GNAQ: variants seen among roughly 807,000 people sequenced by gnomAD.
GNAQ encodes guanine nucleotide-binding protein G(q) subunit alpha.
Under a neutral mutation model 43.9 loss-of-function variants are expected in GNAQ, and 8 were observed. That is an observed-to-expected ratio of 0.18 (90% CI 0.11 to 0.33). The LOEUF (loss-of-function observed/expected upper bound fraction) is 0.33. Ranked by LOEUF, GNAQ falls within the 10% of genes least tolerant of loss-of-function variation. The pLI is 1.00. For missense variants in GNAQ, 158 were observed against 450.8 expected (o/e 0.35, Z 5.88); for synonymous variants, 155 against 170.7 (o/e 0.91, Z 0.71).
intron 1 of GNAQ, among the ~76,000 whole-genome samples, chr9:77,980,130 C>G (rs1564169251): frequency 6.6e-6 from 1 of 152,122 alleles, no homozygotes; most frequent in African/African-American, 2.4e-5. Flanking sequence ...GACCTCAAGC[C>G]TTGAAAGAGT....
intron 5 of GNAQ, among the ~76,000 whole-genome samples, chr9:77,769,497 T>C (rs1826186647): frequency 1.3e-5 from 2 of 151,950 alleles, no homozygotes; most frequent in South Asian, 4.1e-4. Context: ...GCAAACTCCA[T>C]TCAATATTCA....
intron 3 of GNAQ, among the ~76,000 whole-genome samples, chr9:77,811,523 G>A (rs1316377867): frequency 6.6e-6 from 1 of 152,106 alleles, no homozygotes; most frequent in Non-Finnish European, 1.5e-5. Context: ...GGAAATCAGC[G>A]ATGTTTAACA....
At chr9:77,848,617 T>C (rs1827623077) in intron 2 of GNAQ, among the ~76,000 whole-genome samples, 1 of 152,260 alleles carries the variant, frequency 6.6e-6, no homozygotes, top group Non-Finnish European at 1.5e-5. Context: ...TTGGTCTCAT[T>C]GCCTTCTGAG....
intron 5 of GNAQ, among the ~76,000 whole-genome samples, chr9:77,735,950 A>ACATGGTTTGTGAGGATAGATG: frequency 6.6e-6 from 1 of 152,182 alleles, no homozygotes. Flanking sequence ...CAATGCATCC[A>ACATGGTTTGTGAGGATAGATG]AGCCCCTAGC....
At chr9:77,772,080 C>A (rs932268625) in intron 5 of GNAQ, among the ~76,000 whole-genome samples, 1 of 152,092 alleles carries the variant, frequency 6.6e-6, no homozygotes, top group Non-Finnish European at 1.5e-5. Context: ...AATTGAAGAG[C>A]ACTGTACGGT....
chr9:77,962,644 C>T (rs1483431125), intron 1 of GNAQ, among the ~76,000 whole-genome samples: 1 of 152,042 alleles, frequency 6.6e-6, no homozygotes, highest in African/African-American at 2.4e-5. Flanking sequence ...AATCCCAGAA[C>T]TTTGGGAGGC....
intron 1 of GNAQ, among the ~76,000 whole-genome samples, chr9:78,004,566 T>C (rs1231917779): frequency 2.6e-5 from 4 of 152,140 alleles, no homozygotes; most frequent in East Asian, 1.9e-4. Flanking sequence ...GACCTCCAAC[T>C]GCCCATTGCC....
At chr9:77,761,142 C>T (rs1292156968) in intron 5 of GNAQ, among the ~76,000 whole-genome samples, 12 of 142,660 alleles carry the variant, frequency 8.4e-5, no homozygotes, top group African/African-American at 1.3e-4. Context: ...GCCCGGCCAG[C>T]CGCCCCGTCC....
intron 1 of GNAQ, among the ~76,000 whole-genome samples, chr9:77,997,817 G>A (rs370562786): frequency 6.6e-6 from 1 of 152,112 alleles, no homozygotes; most frequent in Admixed American, 6.6e-5. Flanking sequence ...ACTGTGTCTC[G>A]TCCCAAAGGG....
At chr9:77,861,194 A>G (rs900098126) in intron 2 of GNAQ, among the ~76,000 whole-genome samples, 2 of 152,198 alleles carry the variant, frequency 1.3e-5, no homozygotes, top group African/African-American at 4.8e-5. Flanking sequence ...TCCAGTGTTT[A>G]CAACCATCAG....
chr9:77,777,225 G>A (rs545022204), intron 5 of GNAQ, among the ~76,000 whole-genome samples: 3 of 151,986 alleles, frequency 2.0e-5, no homozygotes, highest in African/African-American at 2.4e-5. Flanking sequence ...TATAAAGATG[G>A]TCCTAACTTA....
intron 1 of GNAQ, among the ~76,000 whole-genome samples, chr9:77,993,627 G>C (rs1456708049): frequency 6.6e-6 from 1 of 151,828 alleles, no homozygotes; most frequent in Admixed American, 6.6e-5. Flanking sequence ...GCTTAAACCT[G>C]GGAGGCAGAG....
At chr9:77,884,796 C>T (rs1828274970) in intron 2 of GNAQ, among the ~76,000 whole-genome samples, 1 of 152,182 alleles carries the variant, frequency 6.6e-6, no homozygotes, top group Non-Finnish European at 1.5e-5. Context: ...TCTCATTTTA[C>T]CTGGGAGAGG....
At chr9:77,843,472 A>G (rs1341369848) in intron 2 of GNAQ, among the ~76,000 whole-genome samples, 1 of 152,180 alleles carries the variant, frequency 6.6e-6, no homozygotes, top group Non-Finnish European at 1.5e-5. Context: ...GTGATTCCAG[A>G]TAATTGAGTG....
At chr9:77,932,689 C>T (rs1333005458) in intron 1 of GNAQ, among the ~76,000 whole-genome samples, 1 of 152,074 alleles carries the variant, frequency 6.6e-6, no homozygotes, top group Non-Finnish European at 1.5e-5. Flanking sequence ...GGAGCACAGG[C>T]TACAGTTGCA....
At chr9:77,728,153 C>T (rs1587885953) in intron 6 of GNAQ, among the ~76,000 whole-genome samples, 1 of 152,058 alleles carries the variant, frequency 6.6e-6, no homozygotes, top group South Asian at 2.1e-4. Context: ...TGCCACCACG[C>T]CCAGCTAATT....
At chr9:77,785,486 C>T (rs1826460872) in intron 5 of GNAQ, among the ~76,000 whole-genome samples, 1 of 152,160 alleles carries the variant, frequency 6.6e-6, no homozygotes, top group South Asian at 2.1e-4. Flanking sequence ...GCAGTATCTA[C>T]CACAGTTGAA....
chr9:77,745,558 C>T (rs751439852), intron 5 of GNAQ, among the ~76,000 whole-genome samples: 3 of 151,110 alleles, frequency 2.0e-5, no homozygotes, highest in Non-Finnish European at 4.4e-5. Context: ...ATAAAAAGAT[C>T]TCTTAGGATT....
chr9:77,945,143 C>A (rs985828646), intron 1 of GNAQ, among the ~76,000 whole-genome samples: 1 of 152,132 alleles, frequency 6.6e-6, no homozygotes, highest in African/African-American at 2.4e-5. Context: ...CATCGCAAAG[C>A]CAAATACAAA....
Sources: allele counts gnomAD v4.1 joint callset (sites outside exome capture counted in the v4.1 genomes callset), GRCh38; gene constraint gnomAD v4.1.1; transcripts MANE v1.5; gene names NCBI Gene and HGNC (gene_info 2026-07-23, HGNC 2026-07-21).